Variants in FOXP1 observed in about 807,000 individuals in gnomAD.
The protein encoded by FOXP1 is forkhead box P1.
FOXP1 carries 15 observed loss-of-function variants against 98.2 expected under a neutral mutation model. That is an observed-to-expected ratio of 0.15 (90% CI 0.10 to 0.24). The LOEUF is 0.24. FOXP1 is among the 10% of genes least tolerant of loss of function. The pLI, the probability that FOXP1 is intolerant of heterozygous loss-of-function variation, is 1.00. For missense variants in FOXP1, 633 were observed against 848.5 expected (o/e 0.75, Z 3.15); for synonymous variants, 371 against 314.5 (o/e 1.18, Z -1.90).
intron 4 of FOXP1, among the ~76,000 whole-genome samples, chr3:71,358,793 G>A (rs1179873199): frequency 1.3e-5 from 2 of 152,116 alleles, no homozygotes; most frequent in African/African-American, 4.8e-5. Flanking sequence ...CCCTTTGCTT[G>A]TATATTATCT....
intron 5 of FOXP1, among the ~76,000 whole-genome samples, chr3:71,272,349 C>T (rs1576693515): frequency 2.0e-5 from 3 of 152,166 alleles, no homozygotes; most frequent in East Asian, 3.9e-4. Flanking sequence ...GGGTCAACTT[C>T]GATGTCCTCC....
chr3:70,987,089 T>C (rs1011243997), intron 14 of FOXP1, among the ~76,000 whole-genome samples: 4 of 152,266 alleles, frequency 2.6e-5, no homozygotes, highest in African/African-American at 7.2e-5. Flanking sequence ...CAATTAATTT[T>C]CACACAGTGA....
chr3:71,201,634 G>A (rs1393404433), intron 5 of FOXP1, among the ~76,000 whole-genome samples: 5 of 151,984 alleles, frequency 3.3e-5, no homozygotes, highest in Admixed American at 3.3e-4. Flanking sequence ...CTCGAAAAAA[G>A]GGGGCGGGGA....
intron 5 of FOXP1, among the ~76,000 whole-genome samples, chr3:71,249,030 T>C (rs2067982380): frequency 6.6e-6 from 1 of 152,234 alleles, no homozygotes; most frequent in Non-Finnish European, 1.5e-5. Context: ...TCCTTTTGTG[T>C]AGAATTTCTG....
chr3:71,283,079 G>T (rs1035225259), intron 5 of FOXP1, among the ~76,000 whole-genome samples: 12 of 152,196 alleles, frequency 7.9e-5, no homozygotes, highest in Admixed American at 1.3e-4. Flanking sequence ...CCAGGCCATG[G>T]GTACCCATCT....
chr3:71,241,011 C>T (rs961845308), intron 5 of FOXP1, among the ~76,000 whole-genome samples: 9 of 151,446 alleles, frequency 5.9e-5, no homozygotes, highest in African/African-American at 2.2e-4. Flanking sequence ...GAGTTCGAGA[C>T]CAGCCTGGCC....
chr3:70,967,645 GTTT>G (rs905310255), intron 19 of FOXP1, among the ~76,000 whole-genome samples: 2 of 57,562 alleles, frequency 3.5e-5, no homozygotes, highest in African/African-American at 4.7e-5. Flanking sequence ...CTTTCTTTTT[GTTT>G]TTTTTTTGGC....
intron 6 of FOXP1, among the ~76,000 whole-genome samples, chr3:71,170,216 C>A (rs1479652624): frequency 1.3e-5 from 2 of 152,150 alleles, no homozygotes; most frequent in African/African-American, 2.4e-5. Flanking sequence ...TTTGTCAAAA[C>A]AAAAATCTTA....
At chr3:71,057,962 C>T (rs751632533) in intron 7 of FOXP1, among the ~76,000 whole-genome samples, 3 of 152,114 alleles carry the variant, frequency 2.0e-5, no homozygotes, top group Non-Finnish European at 4.4e-5. Flanking sequence ...CTGCCTGATA[C>T]GGTTTTTTCT....
At chr3:71,086,141 C>T (rs1268184931) in intron 7 of FOXP1, among the ~76,000 whole-genome samples, 2 of 152,204 alleles carry the variant, frequency 1.3e-5, no homozygotes, top group Non-Finnish European at 2.9e-5. Flanking sequence ...CTCAGGATGA[C>T]ATGGCTGAAA....
intron 5 of FOXP1, among the ~76,000 whole-genome samples, chr3:71,205,056 G>T (rs73839440): frequency 0.022 from 3,330 of 152,266 alleles, 129 homozygotes; most frequent in African/African-American, 0.075. Context: ...AGTTCAAAAA[G>T]TAATCAAGGG....
At chr3:71,497,735 G>A (rs985437119) in intron 2 of FOXP1, among the ~76,000 whole-genome samples, 3 of 152,040 alleles carry the variant, frequency 2.0e-5, no homozygotes, top group African/African-American at 7.2e-5. Context: ...AACCCCCAGG[G>A]GCTCATCCCT....
intron 3 of FOXP1, among the ~76,000 whole-genome samples, chr3:71,382,584 C>T (rs1450187644): frequency 6.6e-6 from 1 of 152,200 alleles, no homozygotes; most frequent in African/African-American, 2.4e-5. Context: ...CACTCTCCTG[C>T]TTCACATGTG....
At chr3:71,485,600 C>G (rs900277541) in intron 3 of FOXP1, among the ~76,000 whole-genome samples, 65 of 152,212 alleles carry the variant, frequency 4.3e-4, no homozygotes, top group African/African-American at 1.5e-3. Context: ...GAAACCCCAT[C>G]TCTACTAAAA....
At chr3:71,259,611 T>A (rs1560199447) in intron 5 of FOXP1, among the ~76,000 whole-genome samples, 1 of 152,176 alleles carries the variant, frequency 6.6e-6, no homozygotes. Flanking sequence ...GACTGATTTT[T>A]CATAGACGAA....
At chr3:71,510,733 C>T (rs1004108917) in intron 2 of FOXP1, among the ~76,000 whole-genome samples, 19 of 152,310 alleles carry the variant, frequency 1.2e-4, no homozygotes, top group African/African-American at 2.6e-4. Context: ...CCAGCCATTG[C>T]TCATATTTAC....
rs576199597 is a variant in FOXP1, at chr3:71,447,608, C to T, written c.-168+45818G>A. Among the ~76,000 whole-genome samples, 32 of 152,268 alleles carry T rather than the reference C, an allele frequency of 2.1e-4. No individual in the cohort carries two copies. In the South Asian group the frequency reaches 6.2e-3, roughly 30 times the overall value. On this transcript the variant is annotated intron_variant, in intron 3 of 20. Coordinates refer to ENST00000649528, the MANE Select transcript of FOXP1 (RefSeq NM_001349338.3). ...AAACTGAGAGGACCCACTAAGGGAG[C>T]GTGTGGATGAGGTTCACGCTAGCAG...
In FOXP1 at chr3:71,530,910, A is replaced by T. The variant is rs1388722039; in HGVS notation, c.-297-37355T>A. On this transcript the variant is annotated intron_variant, in intron 2 of 20. Transcript: ENST00000649528. ...CATCCAGGAATGGCGAAGGAAAAAG[A>T]CTGAGCTAATTTGTACTAACTTTCC... Among the ~76,000 whole-genome samples, 5 of 152,228 alleles carry T rather than the reference A, an allele frequency of 3.3e-5. No individual in the cohort carries two copies. In the East Asian group the frequency reaches 5.8e-4, roughly 18 times the overall value.
At chr3:71,440,633 T>C (rs1577526985) in intron 3 of FOXP1, among the ~76,000 whole-genome samples, 1 of 151,122 alleles carries the variant, frequency 6.6e-6, no homozygotes, top group South Asian at 2.1e-4. Context: ...AAGGCAGAGG[T>C]TGCAGTGAGC....
Sources: allele counts gnomAD v4.1 joint callset (sites outside exome capture counted in the v4.1 genomes callset), GRCh38; gene constraint gnomAD v4.1.1; transcripts MANE v1.5; gene names NCBI Gene and HGNC (gene_info 2026-07-23, HGNC 2026-07-21).